CASTOR2: variants seen among roughly 807,000 people sequenced by gnomAD.
CASTOR2 encodes GATS protein like 2.
CASTOR2 carries 8 observed loss-of-function variants against 31.2 expected under a neutral mutation model. The observed-to-expected ratio is 0.26, with a 90% CI of 0.15 to 0.46. CASTOR2 has a LOEUF of 0.46. Among genes scored for constraint, CASTOR2 ranks in the 20% least tolerant of loss-of-function variants. The probability of loss-of-function intolerance (pLI) is 0.99; values close to 1 mark genes in which losing one functional copy is unlikely to be tolerated. For missense variants in CASTOR2, 216 were observed against 382.1 expected, an observed-to-expected ratio of 0.57 and a Z score of 3.62; for synonymous variants, 162 against 158.7, an observed-to-expected ratio of 1.02 and a Z score of -0.16.
chr7:75,017,429 G>A (rs1191677019), intron 2 of CASTOR2, among the ~76,000 whole-genome samples, 169 bp from the exon 3 acceptor site: 1 of 152,102 alleles, frequency 6.6e-6, no homozygotes, highest in East Asian at 1.9e-4. Flanking sequence ...CCAGCCGGGC[G>A]ACAGAGCAAG....
Position 75,011,121 on chromosome 7 carries a change from A to C in CASTOR2, c.184+3057A>C, listed in dbSNP as rs1484225715. 2.4e-3 allele frequency among the ~76,000 whole-genome samples: 371 copies of C among 152,110 alleles called. 1 individual carries two copies. Among genetic ancestry groups the C allele is most frequent in the Non-Finnish European group, 3.8e-3 (257 of 67,982 alleles). ...GTGATCCACCTGCCTTGACCTCCCAAAGTGCTGCCAAAATATTAGCATTTT... is the reference window on the plus strand; with the variant it reads ...GTGATCCACCTGCCTTGACCTCCCACAGTGCTGCCAAAATATTAGCATTTT... On this transcript the variant is annotated intron_variant, in intron 2 of 8. Transcript: ENST00000616305.
intron 1 of CASTOR2, among the ~76,000 whole-genome samples, chr7:74,983,360 T>C (rs587668251): frequency 6.6e-6 from 1 of 150,932 alleles, no homozygotes; most frequent in East Asian, 2.0e-4. Flanking sequence ...TTCTCCACCC[T>C]CTTCAGACTT....
intron 4 of CASTOR2, among the ~76,000 whole-genome samples, chr7:75,018,743 AG>A (rs1804924723): frequency 6.6e-6 from 1 of 152,238 alleles, no homozygotes. Flanking sequence ...CCGGTTGGGA[AG>A]GGCATCCCAG....
chr7:75,015,548 G>A (rs1423727319), intron 2 of CASTOR2, among the ~76,000 whole-genome samples: 1 of 152,128 alleles, frequency 6.6e-6, no homozygotes, highest in Non-Finnish European at 1.5e-5. Flanking sequence ...AAAGCAGTGG[G>A]AGTACGGGCA....
intron 1 of CASTOR2, among the ~76,000 whole-genome samples, chr7:74,993,416 T>C: frequency 6.7e-6 from 1 of 150,108 alleles, no homozygotes; most frequent in South Asian, 2.1e-4. Flanking sequence ...CCTCTACATC[T>C]GGGTGGTTCC....
chr7:75,024,751 G>A lies in CASTOR2; in HGVS notation c.*52G>A. 1 of 1,551,500 alleles carries A rather than the reference G, an allele frequency of 6.4e-7. No individual in the cohort carries two copies. The highest frequency in any genetic ancestry group is 8.7e-7 in the Non-Finnish European group (1 of 1,146,828). ...GCCGCCCGGGCCCAGCCCTAACCCT[G>A]AAGATTGATCTTGCAGTATTTCTCT... On this transcript the variant is annotated 3_prime_UTR_variant, in exon 9 of 9. Coordinates refer to ENST00000616305, the MANE Select transcript of CASTOR2 (RefSeq NM_001145064.3).
chr7:75,017,951 G>A, intron 3 of CASTOR2, 39 bp from the exon 4 acceptor site: 2 of 1,614,004 alleles, frequency 1.2e-6, no homozygotes, highest in Admixed American at 3.3e-5. Context: ...CATCCCCCAG[G>A]GCCACCAGGC....
intron 1 of CASTOR2, among the ~76,000 whole-genome samples, chr7:74,991,806 G>A (rs1457963479): frequency 6.6e-6 from 1 of 152,182 alleles, no homozygotes; most frequent in Admixed American, 6.6e-5. Flanking sequence ...GGTCACATGG[G>A]GGCTGGACAG....
chr7:74,974,263 T>A (rs1803745676), intron 1 of CASTOR2, among the ~76,000 whole-genome samples: 2 of 147,362 alleles, frequency 1.4e-5, no homozygotes, highest in African/African-American at 2.5e-5. Context: ...GCCACTGTCC[T>A]GTGGCGGGTG....
chr7:74,995,765 G>A (rs1286141296), intron 1 of CASTOR2, among the ~76,000 whole-genome samples: 17 of 151,152 alleles, frequency 1.1e-4, no homozygotes, highest in Non-Finnish European at 2.1e-4. Context: ...CCGAGATCAC[G>A]CCACTGCGCT....
Position 75,021,969 on chromosome 7 carries a change from G to A in CASTOR2, c.829+13G>A. 2 of 1,551,648 alleles carry A rather than the reference G, an allele frequency of 1.3e-6. No individual in the cohort carries two copies. The highest frequency in any genetic ancestry group is 3.9e-5 in the Admixed American group (2 of 50,996). On this transcript the variant is annotated intron_variant, in intron 7 of 8. Transcript: ENST00000616305. ...CCCCTGGGGTTTGGTGAGTCCTGGG[G>A]GGATTACATGGGGAATTGAGGGAGC... is the stretch of plus-strand genomic sequence containing the variant.
At chr7:74,965,890 T>A (rs1243471677) in intron 1 of CASTOR2, among the ~76,000 whole-genome samples, 3,147 of 31,354 alleles carry the variant, frequency 0.1, 382 homozygotes, top group East Asian at 0.23. Flanking sequence ...ACACTCTCTC[T>A]CTCTCTCTCT....
chr7:75,024,721 C>G lies in CASTOR2; in HGVS notation c.*22C>G. ...CTAGAAGGGTCTCTTCTGCTCCTCC[C>G]TGCCGCCGCCCGGGCCCAGCCCTAA... On this transcript the variant is annotated 3_prime_UTR_variant, in exon 9 of 9. Transcript: ENST00000616305. 6.4e-7 allele frequency: 1 copy of G among 1,551,590 alleles called. No homozygotes were observed. Among genetic ancestry groups the G allele is most frequent in the South Asian group, 1.2e-5 (1 of 84,050 alleles).
intron 1 of CASTOR2, among the ~76,000 whole-genome samples, chr7:74,984,666 T>A (rs1226542293): frequency 7.2e-5 from 11 of 152,106 alleles, no homozygotes; most frequent in African/African-American, 2.7e-4. Flanking sequence ...TTGACTCAGG[T>A]TCCTATGGGC....
At chr7:75,024,583 G>A (rs1805077672) in intron 8 of CASTOR2, 49 bp downstream of exon 8, 1 of 1,551,020 alleles carries the variant, frequency 6.4e-7, no homozygotes, top group South Asian at 1.2e-5. Context: ...GGGTGGGGAA[G>A]CAGGTTCCTG....
chr7:75,020,849 T>C (rs1804982286), intron 6 of CASTOR2, among the ~76,000 whole-genome samples: 1 of 152,050 alleles, frequency 6.6e-6, no homozygotes, highest in South Asian at 2.1e-4. Context: ...CATGCTGGAG[T>C]GCAGTGGTGC....
chr7:74,992,320 G>A (rs1436698167), intron 1 of CASTOR2, among the ~76,000 whole-genome samples: 28 of 152,142 alleles, frequency 1.8e-4, no homozygotes, highest in Non-Finnish European at 3.7e-4. Context: ...GGAACTGTAG[G>A]GCCCTGTATG....
chr7:75,016,566 A>G (rs1804868935), intron 2 of CASTOR2, among the ~76,000 whole-genome samples: 1 of 152,138 alleles, frequency 6.6e-6, no homozygotes, highest in Non-Finnish European at 1.5e-5. Flanking sequence ...AGCCCCACCC[A>G]GCCTTTTCCT....
chr7:74,997,051 A>T (rs1584467863), intron 1 of CASTOR2, among the ~76,000 whole-genome samples: 1 of 150,038 alleles, frequency 6.7e-6, no homozygotes, highest in African/African-American at 2.5e-5. Flanking sequence ...TGCTTTTTTA[A>T]TTTTATTTTT....
Sources: gnomAD v4.1 joint callset for allele counts (sites outside exome capture counted in the v4.1 genomes callset) on GRCh38, gnomAD v4.1.1 for gene constraint, MANE v1.5 for transcripts, NCBI Gene and HGNC (gene_info 2026-07-23, HGNC 2026-07-21) for gene names.